Variants in ZNF600 observed in about 807,000 individuals in gnomAD.
The protein encoded by ZNF600 is zinc finger protein 600.
ZNF600 carries 4 observed loss-of-function variants against 7.3 expected under a neutral mutation model. That is an observed-to-expected ratio of 0.55 (90% CI 0.27 to 1.25). ZNF600 has a LOEUF of 1.25. Among genes scored for constraint, ZNF600 ranks in the 50% most tolerant of loss-of-function variants. The pLI is 0.12. For synonymous variants in ZNF600, 290 were observed against 308.9 expected (o/e 0.94, Z 0.64); for missense variants, 911 against 922.1 (o/e 0.99, Z 0.16).
intron 3 of ZNF600, 91 bp downstream of exon 5, chr19:52,774,484 G>A (rs988737846): frequency 2.0e-6 from 2 of 977,928 alleles, no homozygotes; most frequent in African/African-American, 3.5e-5. Context: ...GCCATGCATG[G>A]GGCAAAATCA....
chr19:52,833,260 T>C, the ZNF600 span, among the ~76,000 whole-genome samples: 49,465 of 152,062 alleles, frequency 0.33, 10,423 homozygotes, highest in African/African-American at 0.6. Flanking sequence ...ACAATCCAGG[T>C]TGCCCAGCAG....
chr19:52,826,858 G>A, the ZNF600 span, among the ~76,000 whole-genome samples: 7 of 152,020 alleles, frequency 4.6e-5, no homozygotes, highest in South Asian at 6.2e-4. Flanking sequence ...CCAGCCTGGC[G>A]ACAGAGCAAG....
the ZNF600 span, among the ~76,000 whole-genome samples, chr19:52,816,834 AAATAATAAT>A: frequency 6.3e-4 from 87 of 138,422 alleles, no homozygotes; most frequent in African/African-American, 1.1e-3. Context: ...CCGTTTCAGA[AAATAATAAT>A]AATAATAATA....
the ZNF600 span, chr19:52,799,386 G>A: frequency 3.3e-6 from 2 of 605,856 alleles, no homozygotes; most frequent in African/African-American, 1.9e-5. Flanking sequence ...TTTCTTATGT[G>A]TTTCAAGGTT....
Position 52,780,321 on chromosome 19 carries a change from C to T in ZNF600, c.-19-1414G>A, listed in dbSNP as rs181484618. 1.2e-3 allele frequency among the ~76,000 whole-genome samples: 188 copies of T among 152,192 alleles called. 1 individual carries two copies. The East Asian group carries it at 0.016, about 13-fold the overall frequency. On this transcript the variant is annotated intron_variant, in intron 1 of 3. Transcript: ENST00000648973. ...GCTGTGGGAGATCACAAAGGAAACC[C>T]GGAGAAGATGATATCAGAACAAGGA...
chr19:52,809,302 A>C, the ZNF600 span, among the ~76,000 whole-genome samples: 1 of 152,208 alleles, frequency 6.6e-6, no homozygotes, highest in Admixed American at 6.5e-5. Flanking sequence ...TACAGGGAAA[A>C]GTTGCAAAGG....
At chr19:52,818,670 C>G in the ZNF600 span, among the ~76,000 whole-genome samples, 17 of 151,756 alleles carry the variant, frequency 1.1e-4, no homozygotes, top group Admixed American at 5.9e-4. Context: ...TCGCGCCACT[C>G]CACTCCTGCC....
the ZNF600 span, among the ~76,000 whole-genome samples, chr19:52,830,002 G>A: frequency 3.3e-5 from 5 of 152,260 alleles, no homozygotes; most frequent in Admixed American, 1.3e-4. Flanking sequence ...AGCTGGGAAC[G>A]GTGGCTCATG....
chr19:52,790,117 G>T (rs1600409538), upstream of ZNF600, among the ~76,000 whole-genome samples: 1 of 152,178 alleles, frequency 6.6e-6, no homozygotes, highest in East Asian at 1.9e-4. Context: ...GTGGGGCAGG[G>T]CATATTCACT....
rs751827927 is a variant in ZNF600, at chr19:52,766,720, C to G, written c.1243G>C (p.Ala415Pro). The G allele has an allele frequency of 2.5e-6, 4 of 1,612,502 alleles. No homozygotes were observed. The African/African-American group carries it at 5.4e-5, about 22-fold the overall frequency. Reference sequence around the variant, plus strand: ...CCAGTGTGAATTCTTTTATGTCTTGCCAGCTGAGAATTCCATGTGAAAGCT... The same window carrying G: ...CCAGTGTGAATTCTTTTATGTCTTGGCAGCTGAGAATTCCATGTGAAAGCT... The change falls in exon 4 of 4, where the codon GCA becomes CCA. Residue 415 changes from alanine to proline, a missense_variant. By Grantham distance (27) the Ala-to-Pro change is conservative (BLOSUM62 -1). Transcript: ENST00000648973.
chr19:52,764,194 G>GTTTT (rs529224442), downstream of ZNF600: 1 of 150,874 alleles, frequency 6.6e-6, no homozygotes, highest in East Asian at 1.9e-4. Context: ...CATTTTTAAT[G>GTTTT]TTTTTTTTTA....
chr19:52,809,909 G>C, the ZNF600 span: 1 of 833,250 alleles, frequency 1.2e-6, no homozygotes, highest in Non-Finnish European at 2.0e-6. Flanking sequence ...GCCATCTTGT[G>C]CCCGGGGCCG....
At chr19:52,777,514 C>T (rs2062685723) in intron 2 of ZNF600, among the ~76,000 whole-genome samples, 1 of 152,098 alleles carries the variant, frequency 6.6e-6, no homozygotes, top group African/African-American at 2.4e-5. Context: ...GCACTCCAGC[C>T]TGGACAACAA....
At chr19:52,784,463 T>C (rs1049266496) in intron 1 of ZNF600, among the ~76,000 whole-genome samples, 1 of 152,104 alleles carries the variant, frequency 6.6e-6, no homozygotes, top group South Asian at 2.1e-4. Context: ...AGTGATTTTT[T>C]TTCCCCCACA....
chr19:52,833,515 C>T, the ZNF600 span, among the ~76,000 whole-genome samples: 1 of 152,148 alleles, frequency 6.6e-6, no homozygotes, highest in Non-Finnish European at 1.5e-5. Context: ...AGGAAAGAGA[C>T]AGATTAATCC....
At chr19:52,833,074 C>T in the ZNF600 span, among the ~76,000 whole-genome samples, 1 of 152,180 alleles carries the variant, frequency 6.6e-6, no homozygotes, top group Non-Finnish European at 1.5e-5. Context: ...CCCAGACCAA[C>T]ATCCTGTCTA....
the ZNF600 span, chr19:52,798,844 A>G: frequency 1.8e-5 from 21 of 1,157,458 alleles, no homozygotes; most frequent in South Asian, 2.5e-5. Flanking sequence ...GACAATCATT[A>G]TATTAGTCAA....
chr19:52,804,882 G>A, the ZNF600 span, among the ~76,000 whole-genome samples: 5 of 152,154 alleles, frequency 3.3e-5, no homozygotes, highest in South Asian at 2.1e-4. Context: ...ATCACCAAAG[G>A]CTGACAAATC....
the ZNF600 span, chr19:52,798,323 T>G: frequency 6.3e-6 from 2 of 317,980 alleles, no homozygotes; most frequent in South Asian, 5.6e-5. Context: ...ATAAACAGTT[T>G]AATGTCAATT....
Sources: gnomAD v4.1 joint callset for allele counts (sites outside exome capture counted in the v4.1 genomes callset) on GRCh38, gnomAD v4.1.1 for gene constraint, MANE v1.5 for transcripts, NCBI Gene and HGNC (gene_info 2026-07-23, HGNC 2026-07-21) for gene names.